NELL1: variants seen among roughly 807,000 people sequenced by gnomAD.
NELL1 encodes the protein protein kinase C-binding protein NELL1.
Under a neutral mutation model 107.4 loss-of-function variants are expected in NELL1, and 76 were observed. The observed-to-expected ratio is 0.71, with a 90% confidence interval of 0.59 to 0.86. The LOEUF (loss-of-function observed/expected upper bound fraction) is 0.86, where lower values mean the gene tolerates loss of function less well. NELL1 is among the 40% of genes least tolerant of loss of function. The pLI, the probability that NELL1 is intolerant of heterozygous loss-of-function variation, is 0.00. For synonymous variants in NELL1, 353 were observed against 341.2 expected (o/e 1.03, Z -0.38); for missense variants, 1,024 against 1,005.5 (o/e 1.02, Z -0.25).
chr11:20,817,456 T>C (rs1398995304), intron 3 of NELL1, among the ~76,000 whole-genome samples: 1 of 152,158 alleles, frequency 6.6e-6, no homozygotes, highest in Non-Finnish European at 1.5e-5. Context: ...TGAGGATCTT[T>C]TGTATTTCTT....
intron 3 of NELL1, among the ~76,000 whole-genome samples, chr11:20,788,387 T>C (rs327041): frequency 0.046 from 7,031 of 152,312 alleles, 505 homozygotes; most frequent in African/African-American, 0.16. Flanking sequence ...TTTTTGATGA[T>C]AGACATTCTA....
chr11:21,420,829 C>T (rs979099498), intron 15 of NELL1, among the ~76,000 whole-genome samples: 1 of 152,104 alleles, frequency 6.6e-6, no homozygotes, highest in Non-Finnish European at 1.5e-5. Context: ...TATCCCATTC[C>T]ACTCCTTTAT....
intron 13 of NELL1, among the ~76,000 whole-genome samples, chr11:21,180,249 ACTCT>A (rs1195877426): frequency 6.6e-6 from 1 of 151,710 alleles, no homozygotes; most frequent in Non-Finnish European, 1.5e-5. Flanking sequence ...AGAAGAACAA[ACTCT>A]GCGGTTGCTT....
At chr11:20,856,547 T>G (rs1848885103) in intron 4 of NELL1, among the ~76,000 whole-genome samples, 1 of 152,198 alleles carries the variant, frequency 6.6e-6, no homozygotes, top group African/African-American at 2.4e-5. Flanking sequence ...GAATGGAATT[T>G]TATTATCATT....
intron 2 of NELL1, among the ~76,000 whole-genome samples, chr11:20,687,171 G>A (rs530346566): frequency 3.3e-5 from 5 of 151,308 alleles, no homozygotes; most frequent in East Asian, 1.9e-4. Flanking sequence ...AAGGCCTCTC[G>A]TAATTTTAAT....
chr11:20,907,347 C>T (rs1042134057), intron 5 of NELL1, among the ~76,000 whole-genome samples: 1 of 151,392 alleles, frequency 6.6e-6, no homozygotes, highest in Non-Finnish European at 1.5e-5. Flanking sequence ...ATTTAATGTC[C>T]AGAGTATACA....
intron 4 of NELL1, among the ~76,000 whole-genome samples, chr11:20,858,465 G>C (rs187385409): frequency 6.6e-6 from 1 of 152,286 alleles, no homozygotes; most frequent in Non-Finnish European, 1.5e-5. Context: ...CGATAGCTGA[G>C]CAATTTATCA....
chr11:20,977,028 T>A (rs1401484103), intron 12 of NELL1, among the ~76,000 whole-genome samples: 2 of 152,072 alleles, frequency 1.3e-5, no homozygotes, highest in Non-Finnish European at 2.9e-5. Flanking sequence ...AGTTTGGGTA[T>A]GATGTTTCTG....
chr11:21,368,779 A>G (rs560092775), intron 14 of NELL1, among the ~76,000 whole-genome samples: 35 of 152,152 alleles, frequency 2.3e-4, no homozygotes, highest in African/African-American at 6.7e-4. Context: ...ATATTAGACA[A>G]TTTGTTCCTG....
At chr11:21,445,452 G>A (rs565688157) in intron 15 of NELL1, among the ~76,000 whole-genome samples, 1 of 152,078 alleles carries the variant, frequency 6.6e-6, no homozygotes, top group South Asian at 2.1e-4. Context: ...TCAGCCTCCC[G>A]AGTAGCTGGG....
intron 15 of NELL1, among the ~76,000 whole-genome samples, chr11:21,498,511 A>G (rs1564926024): frequency 6.6e-6 from 1 of 151,644 alleles, no homozygotes; most frequent in Non-Finnish European, 1.5e-5. Context: ...TAAGTACTAT[A>G]TAGTATTCTA....
chr11:21,267,504 T>G (rs1848658135), intron 14 of NELL1, among the ~76,000 whole-genome samples: 1 of 152,108 alleles, frequency 6.6e-6, no homozygotes, highest in South Asian at 2.1e-4. Context: ...GTAAAATGCT[T>G]TTGCGAGTAT....
intron 14 of NELL1, among the ~76,000 whole-genome samples, chr11:21,366,258 G>A (rs1851217818): frequency 6.6e-6 from 1 of 152,068 alleles, no homozygotes; most frequent in Non-Finnish European, 1.5e-5. Flanking sequence ...TTCCAGAGAG[G>A]AAAGTGTCAT....
intron 13 of NELL1, among the ~76,000 whole-genome samples, chr11:21,147,314 G>C (rs993328562): frequency 6.6e-6 from 1 of 152,188 alleles, no homozygotes; most frequent in Non-Finnish European, 1.5e-5. Context: ...GAATCTCTCT[G>C]TGGGAGATGT....
At chr11:20,834,350 T>G (rs1290414335) in intron 3 of NELL1, among the ~76,000 whole-genome samples, 1 of 152,136 alleles carries the variant, frequency 6.6e-6, no homozygotes, top group East Asian at 1.9e-4. Flanking sequence ...GCCCAGGTTT[T>G]GGGGAAAGAA....
intron 4 of NELL1, among the ~76,000 whole-genome samples, chr11:20,880,018 AT>A (rs142554557): frequency 0.01 from 1,573 of 151,718 alleles, 33 homozygotes; most frequent in African/African-American, 0.036. Context: ...ACAGAAATGA[AT>A]TTTTTTTTCT....
chr11:20,774,026 TCCCTCCCCTCCCCTCCTGTC>T (rs1439134307), intron 2 of NELL1, among the ~76,000 whole-genome samples: 3 of 125,280 alleles, frequency 2.4e-5, no homozygotes, highest in Admixed American at 8.1e-5. Context: ...CCTTTTTTCC[TCCCTCCCCTCCCCTCCTGTC>T]CCCTCCCCTC....
At chr11:21,266,603 T>C (rs1848640418) in intron 14 of NELL1, among the ~76,000 whole-genome samples, 1 of 152,082 alleles carries the variant, frequency 6.6e-6, no homozygotes, top group African/African-American at 2.4e-5. Context: ...TCTCTCTCTT[T>C]TTCTACATTC....
intron 12 of NELL1, among the ~76,000 whole-genome samples, chr11:21,065,893 C>T (rs1369081964): frequency 6.6e-6 from 1 of 152,170 alleles, no homozygotes; most frequent in Non-Finnish European, 1.5e-5. Context: ...CCTTGTTCAT[C>T]AGAATGGACT....
Sources: gnomAD v4.1 joint callset for allele counts (sites outside exome capture counted in the v4.1 genomes callset) on GRCh38, gnomAD v4.1.1 for gene constraint, MANE v1.5 for transcripts, NCBI Gene and HGNC (gene_info 2026-07-23, HGNC 2026-07-21) for gene names.